The following NXPH1 variants were observed in gnomAD, a reference collection of about 807,000 sequenced individuals.
NXPH1 encodes the protein neurexophilin-1.
In NXPH1, 5 loss-of-function variants were observed where a neutral mutation model predicts 23.7. The ratio of observed to expected loss-of-function variants is 0.21; its 90% CI spans 0.11 to 0.44. NXPH1 has a LOEUF of 0.44. NXPH1 is among the 20% of genes least tolerant of loss of function. The pLI is 0.99. For missense variants in NXPH1, 324 were observed against 321.6 expected, an observed-to-expected ratio of 1.01 and a Z score of -0.06; for synonymous variants, 144 against 122.2, an observed-to-expected ratio of 1.18 and a Z score of -1.18.
chr7:8,530,111 C>A (rs532767778), intron 2 of NXPH1, among the ~76,000 whole-genome samples: 1 of 152,094 alleles, frequency 6.6e-6, no homozygotes, highest in Non-Finnish European at 1.5e-5. Context: ...AGGACACTTA[C>A]CACGGGATGT....
At chr7:8,744,972 T>C (rs1175659610) in intron 2 of NXPH1, among the ~76,000 whole-genome samples, 1 of 152,236 alleles carries the variant, frequency 6.6e-6, no homozygotes, top group Admixed American at 6.5e-5. Flanking sequence ...CACCCTTTAA[T>C]ATCTACTCAG....
chr7:8,485,838 A>G lies in NXPH1; in HGVS notation c.54+50071A>G, dbSNP rs116368405. On this transcript the variant is annotated intron_variant, in intron 2 of 2. Transcript: ENST00000405863. ...AGGTATTGATTAGGACCCTCTGTGA[A>G]AATGAAAAGAAAACCAAGATGAATA... 5.5e-3 allele frequency among the ~76,000 whole-genome samples: 837 copies of G among 152,328 alleles called. 8 individuals are homozygous for G. The highest frequency in any genetic ancestry group is 0.02 in the African/African-American group (811 of 41,586).
intron 2 of NXPH1, among the ~76,000 whole-genome samples, chr7:8,533,110 TGTTTTAG>T (rs1313102525): frequency 6.6e-6 from 1 of 152,170 alleles, no homozygotes; most frequent in Non-Finnish European, 1.5e-5. Context: ...TTAAGTGACC[TGTTTTAG>T]GTCACACAGC....
At position 8,442,702 on chromosome 7, in the gene NXPH1, G is replaced by A. The variant is rs1816323136; in HGVS notation, c.54+6935G>A. Among the ~76,000 whole-genome samples the A allele has an allele frequency of 6.6e-6, 1 of 152,250 alleles. No homozygotes were observed. The highest frequency in any genetic ancestry group is 1.5e-5 in the Non-Finnish European group (1 of 68,032). ...CCCAGCCGTAGTGGCCGCCGCCACA[G>A]CTGCGCGCTTTATTGTCTGCTTTCA... On this transcript the variant is annotated intron_variant, in intron 2 of 2. Coordinates refer to ENST00000405863, the MANE Select transcript of NXPH1 (RefSeq NM_152745.3). The surrounding 1 kb of genome is among the most constrained non-coding windows in gnomAD (Gnocchi z 4.6).
At chr7:8,500,833 T>C (rs990508270) in intron 2 of NXPH1, among the ~76,000 whole-genome samples, 1 of 152,126 alleles carries the variant, frequency 6.6e-6, no homozygotes, top group African/African-American at 2.4e-5. Flanking sequence ...TCTTCTCAGT[T>C]GGTCCTCCCA....
intron 2 of NXPH1, among the ~76,000 whole-genome samples, chr7:8,700,457 T>C (rs1562458691): frequency 6.6e-6 from 1 of 152,152 alleles, no homozygotes; most frequent in African/African-American, 2.4e-5. Context: ...TTTCATTACT[T>C]TTATAAGTTC....
At chr7:8,495,583 A>G (rs1817320533) in intron 2 of NXPH1, among the ~76,000 whole-genome samples, 1 of 151,986 alleles carries the variant, frequency 6.6e-6, no homozygotes, top group African/African-American at 2.4e-5. Context: ...TATTCTAAAA[A>G]TGTAAGAGGG....
intron 2 of NXPH1, among the ~76,000 whole-genome samples, chr7:8,695,764 A>C (rs1821299581): frequency 6.6e-6 from 1 of 152,158 alleles, no homozygotes; most frequent in Admixed American, 6.5e-5. Context: ...ATAGCCTACA[A>C]ATGTTAAGAT....
chr7:8,728,653 G>A (rs1219103775), intron 2 of NXPH1, among the ~76,000 whole-genome samples: 125 of 150,530 alleles, frequency 8.3e-4, no homozygotes, highest in African/African-American at 2.7e-3. Context: ...ATTGATTTGC[G>A]TATATTGAAC....
intron 2 of NXPH1, among the ~76,000 whole-genome samples, chr7:8,640,897 T>C (rs79436080): frequency 0.051 from 7,807 of 152,176 alleles, 391 homozygotes; most frequent in East Asian, 0.17. Context: ...AAGGCTGCAG[T>C]GAGCTGTCAT....
intron 2 of NXPH1, among the ~76,000 whole-genome samples, chr7:8,437,325 G>A (rs939733373): frequency 1.4e-5 from 2 of 146,240 alleles, no homozygotes; most frequent in Admixed American, 1.4e-4. Flanking sequence ...AGGGCAGAAA[G>A]TTTGGCCAGA....
At chr7:8,726,925 T>G (rs1264909012) in intron 2 of NXPH1, among the ~76,000 whole-genome samples, 1 of 151,454 alleles carries the variant, frequency 6.6e-6, no homozygotes, top group Non-Finnish European at 1.5e-5. Flanking sequence ...ACTTCCACAA[T>G]GGTTGAACTA....
Position 8,742,066 on chromosome 7 carries a change from G to A in NXPH1, c.55-8942G>A, listed in dbSNP as rs548687590. Among the ~76,000 whole-genome samples the A allele has an allele frequency of 1.1e-4, 17 of 152,180 alleles. No individual in the cohort carries two copies. The East Asian group carries it at 1.2e-3, about 10-fold the overall frequency. On this transcript the variant is annotated intron_variant, in intron 2 of 2. Transcript: ENST00000405863. The stretch of plus-strand genomic sequence containing the variant: ...GGTCTAGTGAAAACATGGGCACCAC[G>A]TAATCTACCTTGTAAGATTCAGAGT...
chr7:8,636,824 CT>C (rs1820224774), intron 2 of NXPH1, among the ~76,000 whole-genome samples: 1 of 152,128 alleles, frequency 6.6e-6, no homozygotes. Flanking sequence ...ATTTGGGATT[CT>C]TACTTCCAAA....
At chr7:8,737,659 G>A (rs560585208) in intron 2 of NXPH1, among the ~76,000 whole-genome samples, 19 of 152,208 alleles carry the variant, frequency 1.2e-4, no homozygotes, top group African/African-American at 2.6e-4. Context: ...TCTGTATTTC[G>A]TGGATTTGAA....
At chr7:8,670,654 C>T (rs150664499) in intron 2 of NXPH1, among the ~76,000 whole-genome samples, 36 of 152,272 alleles carry the variant, frequency 2.4e-4, no homozygotes, top group African/African-American at 1.9e-4. Flanking sequence ...TGCCCAATAT[C>T]GTCATTTACC....
chr7:8,550,295 GC>G (rs1448868514), intron 2 of NXPH1, among the ~76,000 whole-genome samples: 2 of 151,556 alleles, frequency 1.3e-5, no homozygotes, highest in Non-Finnish European at 3.0e-5. Flanking sequence ...ACGCCTGGGG[GC>G]AAAAGGGGGG....
At chr7:8,513,091 G>A (rs776225057) in intron 2 of NXPH1, among the ~76,000 whole-genome samples, 50 of 151,988 alleles carry the variant, frequency 3.3e-4, no homozygotes, top group Non-Finnish European at 4.7e-4. Flanking sequence ...ATATGCATGT[G>A]GAAGACATCA....
intron 2 of NXPH1, among the ~76,000 whole-genome samples, chr7:8,661,546 G>C (rs975151393): frequency 5.9e-5 from 9 of 152,118 alleles, no homozygotes; most frequent in Non-Finnish European, 8.8e-5. Flanking sequence ...GGGAGAGGAA[G>C]GGGCTTTACT....
Sources: gnomAD v4.1 joint callset for allele counts (sites outside exome capture counted in the v4.1 genomes callset) on GRCh38, gnomAD v4.1.1 for gene constraint, Gnocchi (gnomAD v3.1) non-coding constraint, MANE v1.5 for transcripts, NCBI Gene and HGNC (gene_info 2026-07-23, HGNC 2026-07-21) for gene names.